LARP1B: variants seen among roughly 807,000 people sequenced by gnomAD.
The protein encoded by LARP1B is la-related protein 1B.
LARP1B carries 76 observed loss-of-function variants against 114.2 expected under a neutral mutation model. The observed-to-expected ratio is 0.67, with a 90% CI of 0.55 to 0.81. The LOEUF (loss-of-function observed/expected upper bound fraction) is 0.81, where lower values mean the gene tolerates loss of function less well. Ranked by LOEUF, LARP1B falls within the 30% of genes least tolerant of loss-of-function variation. The pLI is 0.00. For synonymous variants in LARP1B, 345 were observed against 348.0 expected, an observed-to-expected ratio of 0.99 and a Z score of 0.10; for missense variants, 1,014 against 1,075.8, an observed-to-expected ratio of 0.94 and a Z score of 0.80.
At chr4:128,170,872 C>CTTTTTTTTTTTTTTTT (rs70966085) in intron 12 of LARP1B, among the ~76,000 whole-genome samples, 27 of 94,984 alleles carry the variant, frequency 2.8e-4, no homozygotes, top group East Asian at 1.3e-3. Flanking sequence ...TTTTTCTTTT[C>CTTTTTTTTTTTTTTTT]TTTTTTTTTT....
chr4:128,070,691 T>G (rs1579765512), intron 1 of LARP1B, among the ~76,000 whole-genome samples: 1 of 151,760 alleles, frequency 6.6e-6, no homozygotes, highest in African/African-American at 2.4e-5. Context: ...TGACCGGCTG[T>G]AGTGGCTCAT....
chr4:128,099,023 A>T (rs1456067046), intron 8 of LARP1B, among the ~76,000 whole-genome samples: 1 of 150,428 alleles, frequency 6.6e-6, no homozygotes, highest in African/African-American at 2.4e-5. Flanking sequence ...TGATCCGCCC[A>T]CCTTCGCCTC....
intron 1 of LARP1B, among the ~76,000 whole-genome samples, chr4:128,062,667 G>A (rs530417038): frequency 6.8e-6 from 1 of 147,848 alleles, no homozygotes; most frequent in East Asian, 2.1e-4. Context: ...GTGGAAGCGC[G>A]ATTGTAGTCT....
At chr4:128,122,454 G>GTT (rs757180510) in intron 11 of LARP1B, 47 of 1,420,258 alleles carry the variant, frequency 3.3e-5, no homozygotes, top group East Asian at 2.5e-4. Context: ...TTTTTTTTTT[G>GTT]TTTTGTTTTT....
chr4:128,178,707 G>A (rs534696313), intron 14 of LARP1B, 65 bp downstream of exon 14: 6 of 1,163,528 alleles, frequency 5.2e-6, no homozygotes, highest in Admixed American at 2.0e-5. Context: ...AGAATGAAAC[G>A]TTTTAGTTTC....
At chr4:128,119,251 C>T (rs759650795) in intron 10 of LARP1B, among the ~76,000 whole-genome samples, 6 of 152,184 alleles carry the variant, frequency 3.9e-5, no homozygotes, top group Non-Finnish European at 8.8e-5. Flanking sequence ...AATAGGGATG[C>T]TGGCTCTTTT....
At chr4:128,075,531 T>C (rs1767474821) in intron 3 of LARP1B, among the ~76,000 whole-genome samples, 1 of 151,918 alleles carries the variant, frequency 6.6e-6, no homozygotes, top group Admixed American at 6.6e-5. Context: ...TAACCTATTA[T>C]TTCTTTCTTT....
chr4:128,081,969 CA>C (rs1281202328), intron 4 of LARP1B, among the ~76,000 whole-genome samples, 195 bp from the exon 5 acceptor site: 3 of 152,108 alleles, frequency 2.0e-5, no homozygotes, highest in African/African-American at 7.2e-5. Flanking sequence ...CTCCTGGCCT[CA>C]AGTCATCCGC....
At chr4:128,117,014 C>T (rs376410530) in intron 10 of LARP1B, among the ~76,000 whole-genome samples, 4 of 150,778 alleles carry the variant, frequency 2.7e-5, no homozygotes, top group East Asian at 3.9e-4. Flanking sequence ...TGGGTTCAAG[C>T]AATTCTCCTG....
chr4:128,156,134 A>G, intron 11 of LARP1B: 2 of 1,610,906 alleles, frequency 1.2e-6, no homozygotes, highest in Non-Finnish European at 1.7e-6. Flanking sequence ...TCAGCTCATC[A>G]CAAGAGTAGC....
At chr4:128,194,408 C>T (rs1482198341) in intron 15 of LARP1B, among the ~76,000 whole-genome samples, 1 of 151,638 alleles carries the variant, frequency 6.6e-6, no homozygotes, top group Non-Finnish European at 1.5e-5. Flanking sequence ...CTTGGCTGGT[C>T]GCAGTGGCTC....
At chr4:128,065,133 C>CT (rs1348192189) in intron 1 of LARP1B, among the ~76,000 whole-genome samples, 1 of 152,010 alleles carries the variant, frequency 6.6e-6, no homozygotes, top group African/African-American at 2.4e-5. Flanking sequence ...GTAGGCAACT[C>CT]TTTCTGTCTT....
intron 4 of LARP1B, among the ~76,000 whole-genome samples, chr4:128,078,467 G>A (rs553451492): frequency 4.0e-4 from 61 of 152,058 alleles, no homozygotes; most frequent in South Asian, 1.9e-3. Context: ...CGAACATCGT[G>A]TTGCGCACTT....
intron 11 of LARP1B, among the ~76,000 whole-genome samples, chr4:128,150,743 A>T (rs1732428064): frequency 6.6e-6 from 1 of 152,190 alleles, no homozygotes; most frequent in African/African-American, 2.4e-5. Context: ...AAAAAAAATA[A>T]ATGAAGAAAT....
chr4:128,200,588 C>T lies in LARP1B; in HGVS notation c.2232C>T (p.Phe744=), dbSNP rs1755631950. 5 of 1,595,018 alleles carry T rather than the reference C, an allele frequency of 3.1e-6. No homozygotes were observed. Among genetic ancestry groups the T allele is most frequent in the Non-Finnish European group, 4.3e-6 (5 of 1,170,930 alleles). The change falls in exon 17 of 20, where the codon TTC becomes TTT. Residue 744 remains phenylalanine (F), a synonymous_variant. Transcript: ENST00000326639. ...CCCTCTTTCGTTTCTGGTCCTTTTT[C>T]CTCAGAGATCACTTCAATAAAAAAA... The part of the protein sequence containing the change: ...MNTLFRFWSF[F]LRDHFNKKMY...
chr4:128,210,770 G>T lies in LARP1B; in HGVS notation c.*717G>T. 1 of 984,368 alleles carries T rather than the reference G, an allele frequency of 1.0e-6. No individual in the cohort carries two copies. The highest frequency in any genetic ancestry group is 1.2e-6 in the Non-Finnish European group (1 of 829,114). The allele number at this position is 984,368 out of a possible 1,614,324, so 61.0% of individuals were successfully genotyped here. On this transcript the variant is annotated 3_prime_UTR_variant, in exon 20 of 20. Transcript: ENST00000326639. ...GTATTGGTGTGGAGTTTTCTGAATTGGCTATAAGCTGATTACATATTAGAG... is the reference window on the plus strand; with the variant it reads ...GTATTGGTGTGGAGTTTTCTGAATTTGCTATAAGCTGATTACATATTAGAG...
At position 128,182,111 on chromosome 4, in the gene LARP1B, C is replaced by CTTTTT. The variant is rs35344280; in HGVS notation, c.2003+2615_2003+2619dup. 1.2e-4 allele frequency among the ~76,000 whole-genome samples: 14 copies of CTTTTT among 113,190 alleles called. 2 individuals carry two copies. The highest frequency in any genetic ancestry group is 9.7e-5 in the Admixed American group (1 of 10,280). 74.3% of individuals were successfully genotyped at this position (113,190 alleles called of 152,430 possible). On this transcript the variant is annotated intron_variant, in intron 15 of 19. Transcript: ENST00000326639. Reference sequence around the variant, plus strand: ...ACAGGCATGAGCCACTGCACCCGGCCTTTTTTTTTTTTTTTTTTTTGAGAC... The same window carrying CTTTTT: ...ACAGGCATGAGCCACTGCACCCGGCCTTTTTTTTTTTTTTTTTTTTTTTTTGAGAC...
At chr4:128,068,266 C>T (rs1298784980) in intron 1 of LARP1B, among the ~76,000 whole-genome samples, 3 of 151,866 alleles carry the variant, frequency 2.0e-5, no homozygotes, top group East Asian at 3.9e-4. Context: ...GATTGACCCA[C>T]CTTGGCCTCC....
At chr4:128,082,086 A>C (rs968776970) in intron 4 of LARP1B, 79 bp from the exon 5 acceptor site, 261 of 1,292,230 alleles carry the variant, frequency 2.0e-4, no homozygotes, top group Non-Finnish European at 2.7e-4. Flanking sequence ...TTATTTGATT[A>C]AAGTTCAGAG....
Sources: allele counts gnomAD v4.1 joint callset (sites outside exome capture counted in the v4.1 genomes callset), GRCh38; gene constraint gnomAD v4.1.1; transcripts MANE v1.5; gene names NCBI Gene and HGNC (gene_info 2026-07-23, HGNC 2026-07-21).